Variants in EPB41L2 observed in about 807,000 individuals in gnomAD.
EPB41L2 encodes band 4.1-like protein 2.
EPB41L2 carries 43 observed loss-of-function variants against 113.0 expected under a neutral mutation model. The observed-to-expected ratio is 0.38, with a 90% CI of 0.30 to 0.49. The LOEUF is 0.49. Ranked by LOEUF, EPB41L2 falls within the 20% of genes least tolerant of loss-of-function variation. The pLI, the probability that EPB41L2 is intolerant of heterozygous loss-of-function variation, is 0.95. For synonymous variants in EPB41L2, 442 were observed against 436.7 expected (o/e 1.01, Z -0.15); for missense variants, 1,147 against 1,223.4 (o/e 0.94, Z 0.93).
intron 1 of EPB41L2, among the ~76,000 whole-genome samples, chr6:131,016,829 GC>G (rs1788344011): frequency 7.0e-6 from 1 of 143,770 alleles, no homozygotes; most frequent in East Asian, 2.0e-4. Context: ...AAAAAAAAAA[GC>G]ACTACTATAT....
intron 1 of EPB41L2, among the ~76,000 whole-genome samples, chr6:130,990,139 G>A (rs981959853): frequency 3.9e-5 from 6 of 152,130 alleles, no homozygotes; most frequent in Non-Finnish European, 7.3e-5. Flanking sequence ...TGGCTAAAAT[G>A]GCGAAACCCT....
chr6:130,895,034 G>A lies in EPB41L2; in HGVS notation c.1322C>T (p.Ala441Val), dbSNP rs1406819596. The A allele has an allele frequency of 1.2e-6, 2 of 1,613,980 alleles. No homozygotes were observed. The highest frequency in any genetic ancestry group is 1.1e-5 in the South Asian group (1 of 91,054). ...GGAAATTTTTAAGATTTTCGGCCAAGCAAAACGATTGATTCGCAGTCTGTC... is the reference window on the plus strand; with the variant it reads ...GGAAATTTTTAAGATTTTCGGCCAAACAAAACGATTGATTCGCAGTCTGTC... ...YKDRLRINRF[A>V]WPKILKISYK... Residue 441 changes from alanine to valine, a missense_variant, in exon 9 of 20, where the codon GCT becomes GTT. Ala to Val is a moderately conservative substitution (Grantham distance 64). Transcript: ENST00000337057.
intron 3 of EPB41L2, among the ~76,000 whole-genome samples, chr6:130,951,312 CTTTTTTTTTTTTTTTT>C (rs34082234): frequency 3.9e-5 from 2 of 50,818 alleles, no homozygotes; most frequent in South Asian, 1.7e-3. Flanking sequence ...AGCCTCAGTA[CTTTTTTTTTTTTTTTT>C]TTTTTTTTTT....
intron 4 of EPB41L2, among the ~76,000 whole-genome samples, chr6:130,917,041 G>A (rs758735351): frequency 6.6e-6 from 1 of 152,058 alleles, no homozygotes; most frequent in Non-Finnish European, 1.5e-5. Context: ...GTGTTCCTTT[G>A]AACTCCTCCC....
intron 10 of EPB41L2, 27 bp from the exon 11 acceptor site, chr6:130,890,493 AG>A: frequency 1.3e-6 from 2 of 1,564,996 alleles, no homozygotes; most frequent in South Asian, 2.4e-5. Context: ...AAAAAAAAAG[AG>A]AGAGAGAAAG....
chr6:130,895,212 T>G, intron 8 of EPB41L2, 93 bp from the exon 9 acceptor site: 1 of 1,402,298 alleles, frequency 7.1e-7, no homozygotes, highest in Non-Finnish European at 9.6e-7. Context: ...TGATCAGGAA[T>G]GACAGTTTAA....
At chr6:130,891,135 ATATCT>A (rs1437700686) in intron 10 of EPB41L2, among the ~76,000 whole-genome samples, 4 of 152,220 alleles carry the variant, frequency 2.6e-5, no homozygotes, top group African/African-American at 4.8e-5. Flanking sequence ...AAGTTGACAA[ATATCT>A]TAACAGAAAC....
intron 1 of EPB41L2, among the ~76,000 whole-genome samples, chr6:131,018,076 G>A (rs1378397855): frequency 6.6e-6 from 1 of 152,048 alleles, no homozygotes; most frequent in African/African-American, 2.4e-5. Context: ...CTACCTAAAG[G>A]CCTAGCTAGA....
At chr6:130,877,994 A>G (rs746569049) in intron 14 of EPB41L2, 110 bp downstream of exon 14, 1 of 1,126,762 alleles carries the variant, frequency 8.9e-7, no homozygotes, top group East Asian at 2.9e-5. Context: ...CATAAAAATA[A>G]TTAAATGGGA....
intron 4 of EPB41L2, among the ~76,000 whole-genome samples, chr6:130,914,125 T>A (rs1800231033): frequency 6.6e-6 from 1 of 152,208 alleles, no homozygotes; most frequent in Non-Finnish European, 1.5e-5. Context: ...CTCAATTTCC[T>A]CAAACACAAA....
chr6:131,053,329 C>A (rs1402532064), intron 1 of EPB41L2, among the ~76,000 whole-genome samples: 4 of 149,380 alleles, frequency 2.7e-5, no homozygotes, highest in African/African-American at 9.9e-5. Flanking sequence ...GTAGTTGTGG[C>A]AGACTGTCAC....
intron 8 of EPB41L2, among the ~76,000 whole-genome samples, chr6:130,896,982 A>T (rs989949750): frequency 1.2e-4 from 19 of 152,116 alleles, no homozygotes; most frequent in African/African-American, 4.6e-4. Context: ...TGTCCCTCTG[A>T]CAATGGCTCC....
At chr6:131,042,676 A>AC (rs1460172674) in intron 1 of EPB41L2, among the ~76,000 whole-genome samples, 4 of 152,014 alleles carry the variant, frequency 2.6e-5, no homozygotes, top group Admixed American at 6.6e-5. Flanking sequence ...GGGGGAAAAA[A>AC]AGAGTCACTA....
At chr6:130,994,520 G>T (rs559986765) in intron 1 of EPB41L2, among the ~76,000 whole-genome samples, 1 of 152,274 alleles carries the variant, frequency 6.6e-6, no homozygotes, top group South Asian at 2.1e-4. Context: ...TATGAGAAAA[G>T]ACAGGGCCTC....
intron 1 of EPB41L2, among the ~76,000 whole-genome samples, chr6:131,020,367 G>A (rs1012521692): frequency 8.6e-5 from 13 of 151,858 alleles, no homozygotes; most frequent in African/African-American, 3.1e-4. Context: ...TAATATGTCT[G>A]TAATTTAAAG....
chr6:130,930,069 G>C (rs1000310676), intron 3 of EPB41L2, among the ~76,000 whole-genome samples: 31 of 152,060 alleles, frequency 2.0e-4, no homozygotes, highest in African/African-American at 7.5e-4. Flanking sequence ...GCAGCAGAGT[G>C]AGACAAGAAA....
chr6:130,973,215 G>A (rs1777352945), intron 1 of EPB41L2, among the ~76,000 whole-genome samples: 1 of 151,596 alleles, frequency 6.6e-6, no homozygotes, highest in South Asian at 2.1e-4. Context: ...TTTGGTAAAA[G>A]TTTCCATGGC....
intron 10 of EPB41L2, among the ~76,000 whole-genome samples, chr6:130,891,622 T>C (rs1337922735): frequency 6.6e-6 from 1 of 152,082 alleles, no homozygotes; most frequent in Non-Finnish European, 1.5e-5. Flanking sequence ...AGCTAATTTT[T>C]GTATTTTTTT....
intron 8 of EPB41L2, among the ~76,000 whole-genome samples, chr6:130,897,383 T>G (rs1333267747): frequency 6.6e-6 from 1 of 152,230 alleles, no homozygotes; most frequent in Non-Finnish European, 1.5e-5. Context: ...TATCGGATGA[T>G]AAACAGAATG....
Sources: gnomAD v4.1 joint callset for allele counts (sites outside exome capture counted in the v4.1 genomes callset) on GRCh38, gnomAD v4.1.1 for gene constraint, MANE v1.5 for transcripts, NCBI Gene and HGNC (gene_info 2026-07-23, HGNC 2026-07-21) for gene names.